Variants in CDH12 observed in about 807,000 individuals in gnomAD.
CDH12 encodes the protein cadherin 12.
CDH12 carries 41 observed loss-of-function variants against 74.1 expected under a neutral mutation model. The ratio of observed to expected loss-of-function variants is 0.55; its 90% confidence interval spans 0.43 to 0.72. CDH12 has a LOEUF of 0.72. Ranked by LOEUF, CDH12 falls within the 30% of genes least tolerant of loss-of-function variation. The pLI is 0.00. For synonymous variants in CDH12, 399 were observed against 355.0 expected, an observed-to-expected ratio of 1.12 and a Z score of -1.39; for missense variants, 945 against 977.2, an observed-to-expected ratio of 0.97 and a Z score of 0.44.
intron 11 of CDH12, 23 bp from the exon 12 acceptor site, chr5:21,765,122 A>T: frequency 1.3e-6 from 2 of 1,494,868 alleles, no homozygotes; most frequent in Non-Finnish European, 1.8e-6. Context: ...TATAAAGATA[A>T]AAGATGATTA....
At chr5:22,250,351 G>T (rs1753095356) in intron 3 of CDH12, among the ~76,000 whole-genome samples, 1 of 152,104 alleles carries the variant, frequency 6.6e-6, no homozygotes, top group African/African-American at 2.4e-5. Flanking sequence ...ACTCAGAACC[G>T]TCTAAAAGTT....
chr5:22,079,539 A>G (rs994155699), intron 4 of CDH12, among the ~76,000 whole-genome samples: 2 of 152,196 alleles, frequency 1.3e-5, no homozygotes, highest in African/African-American at 4.8e-5. Flanking sequence ...AATGTAAATG[A>G]TGGATACAAT....
At chr5:22,778,208 T>A (rs558351183) in intron 1 of CDH12, among the ~76,000 whole-genome samples, 2 of 152,336 alleles carry the variant, frequency 1.3e-5, no homozygotes, top group East Asian at 3.9e-4. Flanking sequence ...CAGTTTGTTG[T>A]TGTTGTTGAT....
intron 1 of CDH12, among the ~76,000 whole-genome samples, chr5:22,669,949 T>G (rs150434457): frequency 1.2e-4 from 19 of 152,322 alleles, no homozygotes; most frequent in Non-Finnish European, 2.4e-4. Flanking sequence ...ATCACTTCCA[T>G]AATATTTTCA....
chr5:22,369,347 T>C (rs1741170850), intron 3 of CDH12, among the ~76,000 whole-genome samples: 1 of 151,440 alleles, frequency 6.6e-6, no homozygotes, highest in Non-Finnish European at 1.5e-5. Flanking sequence ...AAAAATACTT[T>C]CTAATAACTC....
intron 1 of CDH12, among the ~76,000 whole-genome samples, chr5:22,847,126 C>T (rs1003028603): frequency 1.3e-5 from 2 of 152,126 alleles, no homozygotes; most frequent in African/African-American, 2.4e-5. Context: ...TGTTAAAGCA[C>T]AAATCCTGGA....
At chr5:22,156,292 A>T (rs1748020286) in intron 4 of CDH12, among the ~76,000 whole-genome samples, 1 of 152,156 alleles carries the variant, frequency 6.6e-6, no homozygotes, top group Admixed American at 6.6e-5. Flanking sequence ...TAAATGGCCC[A>T]ACTAATGAAA....
intron 1 of CDH12, among the ~76,000 whole-genome samples, chr5:22,601,150 T>G (rs946468785): frequency 6.6e-6 from 1 of 152,098 alleles, no homozygotes; most frequent in East Asian, 1.9e-4. Flanking sequence ...AACATAAATT[T>G]TATTTATTTT....
chr5:22,593,306 A>T (rs1736436820), intron 1 of CDH12, among the ~76,000 whole-genome samples: 1 of 152,152 alleles, frequency 6.6e-6, no homozygotes, highest in Non-Finnish European at 1.5e-5. Flanking sequence ...CCTGAGTTAC[A>T]GAGCTATATT....
intron 6 of CDH12, among the ~76,000 whole-genome samples, chr5:21,902,578 G>T (rs534721080): frequency 6.6e-6 from 1 of 152,184 alleles, no homozygotes; most frequent in Admixed American, 6.6e-5. Context: ...AATTGAAAAA[G>T]AAAATATGTT....
intron 1 of CDH12, among the ~76,000 whole-genome samples, chr5:22,584,126 A>G (rs1201559167): frequency 1.4e-5 from 2 of 141,542 alleles, no homozygotes; most frequent in African/African-American, 5.4e-5. Flanking sequence ...TTTGAGACGG[A>G]GTCTTGCTCT....
At chr5:22,293,321 A>T (rs1339805050) in intron 3 of CDH12, among the ~76,000 whole-genome samples, 1 of 152,146 alleles carries the variant, frequency 6.6e-6, no homozygotes, top group Non-Finnish European at 1.5e-5. Flanking sequence ...AAGAATGAGC[A>T]GCACCCTTCT....
chr5:22,102,690 A>C (rs1467610898), intron 4 of CDH12, among the ~76,000 whole-genome samples: 1 of 151,964 alleles, frequency 6.6e-6, no homozygotes, highest in South Asian at 2.1e-4. Flanking sequence ...ATAAATAAAT[A>C]AATACATAAA....
chr5:22,416,231 C>T (rs560493782), intron 2 of CDH12, among the ~76,000 whole-genome samples: 74 of 150,962 alleles, frequency 4.9e-4, no homozygotes, highest in Non-Finnish European at 9.6e-4. Flanking sequence ...CCCGCCACCA[C>T]GCCCGGCTAA....
intron 10 of CDH12, among the ~76,000 whole-genome samples, chr5:21,797,908 AC>A (rs1328428201): frequency 2.6e-5 from 4 of 152,156 alleles, no homozygotes; most frequent in Non-Finnish European, 5.9e-5. Flanking sequence ...TCTTCAAAAT[AC>A]AACAAACAGT....
At chr5:22,605,657 G>A (rs1481429196) in intron 1 of CDH12, among the ~76,000 whole-genome samples, 2 of 152,204 alleles carry the variant, frequency 1.3e-5, no homozygotes, top group East Asian at 1.9e-4. Flanking sequence ...GCACATGGAG[G>A]GCACACCGAC....
chr5:22,633,105 T>C (rs1221902286), intron 1 of CDH12, among the ~76,000 whole-genome samples: 1 of 152,024 alleles, frequency 6.6e-6, no homozygotes, highest in African/African-American at 2.4e-5. Context: ...TCCAGTAAAA[T>C]GAACCTTTCA....
chr5:22,525,200 A>C (rs1255808370), intron 1 of CDH12, among the ~76,000 whole-genome samples: 1 of 152,146 alleles, frequency 6.6e-6, no homozygotes, highest in East Asian at 1.9e-4. Context: ...TTCTTAAACC[A>C]GTCTATCATT....
intron 1 of CDH12, among the ~76,000 whole-genome samples, chr5:22,730,463 T>C (rs1477878703): frequency 6.6e-6 from 1 of 151,854 alleles, no homozygotes; most frequent in Non-Finnish European, 1.5e-5. Context: ...ATCTGAGTCC[T>C]AGAGCTACAT....
Sources: allele counts gnomAD v4.1 joint callset (sites outside exome capture counted in the v4.1 genomes callset), GRCh38; gene constraint gnomAD v4.1.1; transcripts MANE v1.5; gene names NCBI Gene and HGNC (gene_info 2026-07-23, HGNC 2026-07-21).